RNF169: variants seen among roughly 807,000 people sequenced by gnomAD.
RNF169 encodes the protein E3 ubiquitin-protein ligase RNF169.
RNF169 carries 24 observed loss-of-function variants against 53.9 expected under a neutral mutation model. The observed-to-expected ratio is 0.45, with a 90% CI of 0.32 to 0.63. The LOEUF is 0.63. RNF169 is among the 20% of genes least tolerant of loss of function. RNF169 has a pLI of 0.04. For synonymous variants in RNF169, 396 were observed against 363.5 expected (o/e 1.09, Z -1.02); for missense variants, 883 against 906.2 (o/e 0.97, Z 0.33).
intron 1 of RNF169, among the ~76,000 whole-genome samples, chr11:74,779,973 C>A (rs993187489): frequency 6.6e-6 from 1 of 152,208 alleles, no homozygotes; most frequent in South Asian, 2.1e-4. Context: ...TTGTGCCCGG[C>A]TAAGCAGGTA....
chr11:74,789,909 A>G (rs555652165), intron 2 of RNF169, among the ~76,000 whole-genome samples: 1 of 152,348 alleles, frequency 6.6e-6, no homozygotes, highest in South Asian at 2.1e-4. Flanking sequence ...GTCTTTTCAA[A>G]GATGAAGACG....
At chr11:74,787,601 T>A (rs1050747326) in intron 1 of RNF169, among the ~76,000 whole-genome samples, 3 of 152,112 alleles carry the variant, frequency 2.0e-5, no homozygotes, top group Admixed American at 6.5e-5. Context: ...TGCCTGTGAA[T>A]AGCCACTGCA....
intron 4 of RNF169, chr11:74,832,056 C>T (rs1472249413): frequency 1.3e-5 from 2 of 152,154 alleles, no homozygotes; most frequent in Non-Finnish European, 2.9e-5. Context: ...TAGAAGAAAA[C>T]AGTTGAGGAG....
chr11:74,835,701 T>C lies in RNF169; in HGVS notation c.1098T>C (p.Ser366=). 1 of 1,614,190 alleles carries C rather than the reference T, an allele frequency of 6.2e-7. No individual in the cohort carries two copies. The highest frequency in any genetic ancestry group is 8.5e-7 in the Non-Finnish European group (1 of 1,180,028). The change falls in exon 6 of 6, where the codon TCT becomes TCC. Residue 366 remains serine, a synonymous_variant. Coordinates refer to ENST00000299563, the MANE Select transcript of RNF169 (RefSeq NM_001098638.2). Reference sequence around the variant, plus strand: ...CTTCCCTGCATAAGCCAGAGCGTTCTGTCAGCCCTGAGAGCAATGACAGCA... The same window carrying C: ...CTTCCCTGCATAAGCCAGAGCGTTCCGTCAGCCCTGAGAGCAATGACAGCA... ...SLASLHKPER[S]VSPESNDSIS...
At chr11:74,783,636 G>GACTA (rs1165819044) in intron 1 of RNF169, among the ~76,000 whole-genome samples, 1 of 152,148 alleles carries the variant, frequency 6.6e-6, no homozygotes, top group African/African-American at 2.4e-5. Context: ...GTAGCTTTGT[G>GACTA]ACTAACTCCT....
chr11:74,778,682 G>T (rs1036456272), intron 1 of RNF169, among the ~76,000 whole-genome samples: 1 of 152,154 alleles, frequency 6.6e-6, no homozygotes, highest in African/African-American at 2.4e-5. Flanking sequence ...GTATTTTTAC[G>T]TAGCAGCCTT....
chr11:74,822,233 A>G (rs1312378959), intron 4 of RNF169, among the ~76,000 whole-genome samples: 1 of 152,176 alleles, frequency 6.6e-6, no homozygotes, highest in Non-Finnish European at 1.5e-5. Flanking sequence ...AATTGAGCGC[A>G]TAAGCTGTCT....
At chr11:74,780,542 CT>C (rs2035402530) in intron 1 of RNF169, among the ~76,000 whole-genome samples, 1 of 152,184 alleles carries the variant, frequency 6.6e-6, no homozygotes, top group African/African-American at 2.4e-5. Flanking sequence ...ATCCTTTTTC[CT>C]TTCCTCAGAT....
At chr11:74,785,907 C>T (rs1347355564) in intron 1 of RNF169, among the ~76,000 whole-genome samples, 2 of 150,838 alleles carry the variant, frequency 1.3e-5, no homozygotes, top group African/African-American at 2.4e-5. Flanking sequence ...ATATATGTAT[C>T]AAAGTAGTTG....
chr11:74,761,717 C>G (rs867475695), intron 1 of RNF169, among the ~76,000 whole-genome samples: 3 of 152,084 alleles, frequency 2.0e-5, no homozygotes. Flanking sequence ...CCCGACCTTT[C>G]TCTCTGGCTG....
chr11:74,750,421 T>C (rs969519362), intron 1 of RNF169, among the ~76,000 whole-genome samples: 1 of 152,028 alleles, frequency 6.6e-6, no homozygotes, highest in African/African-American at 2.4e-5. Context: ...AGGCATTGCT[T>C]GTGTATACAA....
chr11:74,828,559 A>G (rs1309291918), intron 4 of RNF169, among the ~76,000 whole-genome samples: 1 of 152,206 alleles, frequency 6.6e-6, no homozygotes, highest in Non-Finnish European at 1.5e-5. Flanking sequence ...GCAAAAAGAA[A>G]AAAGCTGGAG....
chr11:74,808,023 T>C (rs967902514), intron 2 of RNF169: 1 of 152,138 alleles, frequency 6.6e-6, no homozygotes, highest in Non-Finnish European at 1.5e-5. Flanking sequence ...GAAAATGTTG[T>C]TTGCCAGCAA....
intron 1 of RNF169, among the ~76,000 whole-genome samples, chr11:74,766,086 T>A (rs1235062594): frequency 6.6e-6 from 1 of 152,018 alleles, no homozygotes; most frequent in Non-Finnish European, 1.5e-5. Flanking sequence ...AATGAAGATT[T>A]AAAAAAACCT....
intron 4 of RNF169, chr11:74,831,147 C>T (rs1282924716): frequency 6.6e-6 from 1 of 151,978 alleles, no homozygotes; most frequent in Non-Finnish European, 1.5e-5. Flanking sequence ...GAAATTCTAG[C>T]CAGAAGAATT....
At position 74,749,363 on chromosome 11, in the gene RNF169, T is replaced by C. The variant is rs2034847548; in HGVS notation, c.483T>C (p.Arg161=). 7 of 1,235,826 alleles carry C rather than the reference T, an allele frequency of 5.7e-6. No homozygotes were observed. The highest frequency in any genetic ancestry group is 7.1e-6 in the Non-Finnish European group (7 of 986,946). The allele number at this position is 1,235,826 out of a possible 1,614,324, so 76.6% of individuals were successfully genotyped here. Residue 161 remains arginine, a synonymous_variant, in exon 1 of 6, where the codon CGT becomes CGC. Transcript: ENST00000299563. The part of the protein sequence containing the change: ...AAGPRPEQEP[R]AAPAEPDFIF... ...GGCCCAGGCCAGAGCAGGAGCCGCG[T>C]GCCGCGCCTGCGGAGCCAGGTGGAG... is the stretch of plus-strand genomic sequence containing the variant.
intron 1 of RNF169, among the ~76,000 whole-genome samples, chr11:74,775,151 C>T (rs2035314759): frequency 6.6e-6 from 1 of 152,062 alleles, no homozygotes; most frequent in African/African-American, 2.4e-5. Flanking sequence ...TTTAGATTTG[C>T]ATATTATCAT....
rs1237881040 is a variant in RNF169, at chr11:74,840,074, T to C, written c.*3344T>C. On this transcript the variant is annotated 3_prime_UTR_variant, in exon 6 of 6. Coordinates refer to ENST00000299563, the MANE Select transcript of RNF169 (RefSeq NM_001098638.2). The stretch of plus-strand genomic sequence containing the variant: ...AGCTCTTAATTGATTACTGTCTGGT[T>C]ACAAACTGGCAAACTGACTAAAATG... 6.6e-6 allele frequency: 1 copy of C among 152,250 alleles called. No homozygotes were observed. The highest frequency in any genetic ancestry group is 1.5e-5 in the Non-Finnish European group (1 of 68,046). 9.4% of individuals were successfully genotyped at this position (152,250 alleles called of 1,614,324 possible). A position where few individuals can be genotyped will look rare whatever the true frequency, so the allele number is the denominator to read the frequency against.
At chr11:74,812,926 A>G (rs2035893901) in intron 3 of RNF169, among the ~76,000 whole-genome samples, 1 of 152,154 alleles carries the variant, frequency 6.6e-6, no homozygotes, top group Admixed American at 6.5e-5. Context: ...CCAAAACTCT[A>G]AGGAGTATAT....
Sources: gnomAD v4.1 joint callset for allele counts (sites outside exome capture counted in the v4.1 genomes callset) on GRCh38, gnomAD v4.1.1 for gene constraint, MANE v1.5 for transcripts, NCBI Gene and HGNC (gene_info 2026-07-23, HGNC 2026-07-21) for gene names.